GDE1: variants seen among roughly 807,000 people sequenced by gnomAD.
GDE1 encodes glycerophosphodiester phosphodiesterase 1.
A neutral mutation model predicts 32.2 loss-of-function variants in GDE1; 24 were observed. The observed-to-expected ratio is 0.75, with a 90% CI of 0.54 to 1.05. The LOEUF (loss-of-function observed/expected upper bound fraction) is 1.05, where lower values mean the gene tolerates loss of function less well. GDE1 is among the 50% of genes least tolerant of loss of function. GDE1 has a pLI of 0.00. For synonymous variants in GDE1, 159 were observed against 158.6 expected, an observed-to-expected ratio of 1.00 and a Z score of -0.02; for missense variants, 380 against 415.0, an observed-to-expected ratio of 0.92 and a Z score of 0.73.
In GDE1 at chr16:19,510,859, C is replaced by T; in HGVS notation, c.523G>A (p.Val175Ile). ...LNHNLTIFFD[V>I]KGHAHKATEA... ...TGTACCTTGTGTGCATGGCCTTTGA[C>T]ATCAAAGAAGATTGTGAGGTTATGG... The change falls in exon 3 of 6, where the codon GTC becomes ATC. Residue 175 changes from valine (V) to isoleucine (I), a missense_variant. Val to Ile is a conservative substitution (Grantham distance 29). Transcript: ENST00000353258. 6.3e-7 allele frequency: 1 copy of T among 1,583,906 alleles called. No individual in the cohort carries two copies. Among genetic ancestry groups the T allele is most frequent in the Non-Finnish European group, 8.6e-7 (1 of 1,158,856 alleles).
intron 3 of GDE1, among the ~76,000 whole-genome samples, chr16:19,508,538 C>T (rs1969276755): frequency 6.6e-6 from 1 of 152,144 alleles, no homozygotes; most frequent in Non-Finnish European, 1.5e-5. Flanking sequence ...ATATGATGAG[C>T]AAAATGCATT....
At chr16:19,511,020 T>C in intron 2 of GDE1, 76 bp from the exon 3 acceptor site, 1 of 701,880 alleles carries the variant, frequency 1.4e-6, no homozygotes, top group Non-Finnish European at 2.5e-6. Flanking sequence ...ATTTTGCATA[T>C]GTCTCTCAAT....
At position 19,503,580 on chromosome 16, in the gene GDE1, C is replaced by T; in HGVS notation, c.886G>A (p.Val296Ile). The change falls in exon 6 of 6, where the codon GTT becomes ATT. Residue 296 changes from valine to isoleucine, a missense_variant. Coordinates refer to ENST00000353258, the MANE Select transcript of GDE1 (RefSeq NM_016641.4). Reference protein sequence around the residue: ...LKKWSAKGIQVVGWTVNTFDE... With the variant: ...LKKWSAKGIQIVGWTVNTFDE... Reference sequence around the variant, plus strand: ...AAGGTATTAACAGTCCAACCAACAACCTGGATTCCTTTAGCTGACCACTTC... The same window carrying T: ...AAGGTATTAACAGTCCAACCAACAATCTGGATTCCTTTAGCTGACCACTTC... 3 of 1,613,794 alleles carry T rather than the reference C, an allele frequency of 1.9e-6. No individual in the cohort carries two copies. Among genetic ancestry groups the T allele is most frequent in the Non-Finnish European group, 2.5e-6 (3 of 1,179,664 alleles).
chr16:19,518,988 G>C (rs1473428175), intron 1 of GDE1, among the ~76,000 whole-genome samples: 1 of 152,022 alleles, frequency 6.6e-6, no homozygotes, highest in African/African-American at 2.4e-5. Flanking sequence ...CACCAGCTGG[G>C]TATCCTCCAA....
rs1456923172 is a variant in GDE1, at chr16:19,521,968, G to A, written c.-4C>T. On this transcript the variant is annotated 5_prime_UTR_variant, in exon 1 of 6. Transcript: ENST00000353258. ...CCTGGTCCTCCCACAGCCACATGCCGGCGCCCGCACCGGCACGGACGGGAG... is the reference window on the plus strand; with the variant it reads ...CCTGGTCCTCCCACAGCCACATGCCAGCGCCCGCACCGGCACGGACGGGAG... The A allele has an allele frequency of 6.5e-6, 10 of 1,533,164 alleles. No individual in the cohort carries two copies. Among genetic ancestry groups the A allele is most frequent in the African/African-American group, 1.4e-5 (1 of 73,108 alleles). The allele number at this position is 1,533,164 out of a possible 1,614,324, so 95.0% of individuals were successfully genotyped here.
At position 19,516,276 on chromosome 16, in the gene GDE1, TG is replaced by T. The variant is rs1969379772; in HGVS notation, c.437+737del. On this transcript the variant is annotated intron_variant, in intron 2 of 5. Transcript: ENST00000353258. ...AAACAGCATGATTTGGACTAAAACT[TG>T]GGATAGATTCTAGTTTTGGCTTCTT... Among the ~76,000 whole-genome samples, 3 of 152,310 alleles carry T rather than the reference TG, an allele frequency of 2.0e-5. No homozygotes were observed. The South Asian group carries it at 6.2e-4, about 32-fold the overall frequency.
chr16:19,505,237 T>C, intron 4 of GDE1, 145 bp from the exon 5 acceptor site: 2 of 626,256 alleles, frequency 3.2e-6, no homozygotes, highest in Non-Finnish European at 5.7e-6. Context: ...TTCTCAATCA[T>C]AAACCCTTTG....
chr16:19,505,589 G>A (rs1351834726), intron 4 of GDE1, among the ~76,000 whole-genome samples: 1 of 152,104 alleles, frequency 6.6e-6, no homozygotes, highest in Non-Finnish European at 1.5e-5. Flanking sequence ...ACGAGAGAAT[G>A]GGAGAGGACA....
chr16:19,504,861 TA>T lies in GDE1; in HGVS notation c.848+19del. ...ATTCAGGATGTCTGTCTGGGTAAAA[TA>T]AAAAACCTTCCAACTTACGGGGATA... On this transcript the variant is annotated intron_variant, in intron 5 of 5. Coordinates refer to ENST00000353258, the MANE Select transcript of GDE1 (RefSeq NM_016641.4). 1.3e-6 allele frequency: 2 copies of T among 1,522,246 alleles called. No individual in the cohort carries two copies. The highest frequency in any genetic ancestry group is 1.8e-6 in the Non-Finnish European group (2 of 1,102,872). The allele number at this position is 1,522,246 out of a possible 1,614,324, so 94.3% of individuals were successfully genotyped here.
chr16:19,506,663 C>A (rs142967366), intron 4 of GDE1, among the ~76,000 whole-genome samples: 3 of 152,044 alleles, frequency 2.0e-5, no homozygotes, highest in Non-Finnish European at 4.4e-5. Context: ...AAAAGATTTA[C>A]GATTGTAACA....
intron 1 of GDE1, chr16:19,521,394 T>C (rs1969451360): frequency 2.7e-6 from 1 of 375,352 alleles, no homozygotes; most frequent in Non-Finnish European, 4.9e-6. Flanking sequence ...TGTTTACTTG[T>C]TTAAGGCTTG....
At chr16:19,521,637 C>T in intron 1 of GDE1, 67 bp downstream of exon 1, 1 of 1,551,494 alleles carries the variant, frequency 6.4e-7, no homozygotes, top group Admixed American at 1.8e-5. Flanking sequence ...ATCGGGGAAC[C>T]CTGGGAAGGA....
In GDE1 at chr16:19,506,324, C is replaced by CAGAG. The variant is rs374123439; in HGVS notation, c.637-1236_637-1233dup. On this transcript the variant is annotated intron_variant, in intron 4 of 5. Transcript: ENST00000353258. Reference sequence around the variant, plus strand: ...CCCCAAAACAAACAAACAAAAAAAACAGAGAGAGAGAGAGACAGAACCTGC... The same window carrying CAGAG: ...CCCCAAAACAAACAAACAAAAAAAACAGAGAGAGAGAGAGAGAGACAGAACCTGC... Among the ~76,000 whole-genome samples, 5 of 150,836 alleles carry CAGAG rather than the reference C, an allele frequency of 3.3e-5. No homozygotes were observed. In the South Asian group the frequency reaches 1.0e-3, roughly 32 times the overall value.
Position 19,504,934 on chromosome 16 carries a change from C to T in GDE1, c.795G>A (p.Leu265=), listed in dbSNP as rs779324598. The change falls in exon 5 of 6, where the codon TTG becomes TTA. Residue 265 remains leucine (L), a synonymous_variant. Coordinates refer to ENST00000353258, the MANE Select transcript of GDE1 (RefSeq NM_016641.4). ...AAGCTGAAATTCCACACAGGTACCA[C>T]AAGATATTATGCATGCTCCAATCGA... The part of the protein sequence containing the change: ...ILLDWSMHNI[L]WYLCGISAFL... 2 of 1,613,800 alleles carry T rather than the reference C, an allele frequency of 1.2e-6. No homozygotes were observed. The highest frequency in any genetic ancestry group is 1.6e-4 in the Middle Eastern group (1 of 6,062).
At position 19,504,806 on chromosome 16, in the gene GDE1, C is replaced by T. The variant is rs998334154; in HGVS notation, c.848+75G>A. The T allele has an allele frequency of 3.2e-6, 3 of 935,546 alleles. No homozygotes were observed. In the South Asian group the frequency reaches 4.9e-5, roughly 15 times the overall value. 58.0% of individuals were successfully genotyped at this position (935,546 alleles called of 1,614,324 possible). On this transcript the variant is annotated intron_variant, in intron 5 of 5. Coordinates refer to ENST00000353258, the MANE Select transcript of GDE1 (RefSeq NM_016641.4). ...GGTCAGAACCAATTCAGGTTGTCTA[C>T]TCTGTTAATCCTTCCTTTCAAATAA...
intron 2 of GDE1, 100 bp downstream of exon 2, chr16:19,516,911 AAAC>A: frequency 9.7e-7 from 1 of 1,032,918 alleles, no homozygotes; most frequent in Non-Finnish European, 1.5e-6. Flanking sequence ...GTTCAAAACA[AAAC>A]AAGACAACTC....
chr16:19,512,344 T>C (rs189192178), intron 2 of GDE1, among the ~76,000 whole-genome samples: 1 of 152,326 alleles, frequency 6.6e-6, no homozygotes, highest in African/African-American at 2.4e-5. Context: ...CATATGCCTG[T>C]TGGCCATTTG....
In GDE1 at chr16:19,503,437, G is replaced by A; in HGVS notation, c.*33C>T. The stretch of plus-strand genomic sequence containing the variant: ...ATATCCCTGTATGAGGCCCCTGGCA[G>A]TTTCTGAACCCGTTTCGTCCCACCG... On this transcript the variant is annotated 3_prime_UTR_variant, in exon 6 of 6. Transcript: ENST00000353258. The A allele has an allele frequency of 6.2e-7, 1 of 1,604,812 alleles. No homozygotes were observed. The highest frequency in any genetic ancestry group is 8.5e-7 in the Non-Finnish European group (1 of 1,173,612).
chr16:19,505,186 T>C (rs1969231553), intron 4 of GDE1, 94 bp from the exon 5 acceptor site: 1 of 823,770 alleles, frequency 1.2e-6, no homozygotes, highest in African/African-American at 1.7e-5. Context: ...TCAGATGAGG[T>C]GGTCATGGTT....
Sources: gnomAD v4.1 joint callset for allele counts (sites outside exome capture counted in the v4.1 genomes callset) on GRCh38, gnomAD v4.1.1 for gene constraint, MANE v1.5 for transcripts, NCBI Gene and HGNC (gene_info 2026-07-23, HGNC 2026-07-21) for gene names.